ENOPH1: variants seen among roughly 807,000 people sequenced by gnomAD.
ENOPH1 encodes the protein enolase-phosphatase 1.
A neutral mutation model predicts 31.1 loss-of-function variants in ENOPH1; 14 were observed. The observed-to-expected ratio is 0.45, with a 90% CI of 0.30 to 0.70. ENOPH1 has a LOEUF of 0.70. Among genes scored for constraint, ENOPH1 ranks in the 30% least tolerant of loss-of-function variants. The pLI is 0.09. For missense variants in ENOPH1, 243 were observed against 321.5 expected, an observed-to-expected ratio of 0.76 and a Z score of 1.87; for synonymous variants, 127 against 123.2, an observed-to-expected ratio of 1.03 and a Z score of -0.21.
At chr4:82,455,624 C>CA (rs5859823) in intron 4 of ENOPH1, among the ~76,000 whole-genome samples, 39 of 148,414 alleles carry the variant, frequency 2.6e-4, no homozygotes, top group East Asian at 1.2e-3. Flanking sequence ...ACTAAAAATA[C>CA]AAAAAAAAAA....
At chr4:82,446,905 A>C (rs1722206199) in intron 1 of ENOPH1, among the ~76,000 whole-genome samples, 1 of 148,168 alleles carries the variant, frequency 6.7e-6, no homozygotes, top group Non-Finnish European at 1.5e-5. Flanking sequence ...ACGGGGTTTC[A>C]CCTTGTTAGC....
At position 82,457,033 on chromosome 4, in the gene ENOPH1, C is replaced by A; in HGVS notation, c.641C>A (p.Thr214Asn). The A allele has an allele frequency of 6.2e-7, 1 of 1,613,834 alleles. No homozygotes were observed. The highest frequency in any genetic ancestry group is 8.5e-7 in the Non-Finnish European group (1 of 1,179,884). The change falls in exon 5 of 6, where the codon ACT (threonine) becomes AAT (asparagine). Residue 214 changes from threonine (T) to asparagine (N), a missense_variant. By Grantham distance (65) the Thr-to-Asn change is moderately conservative. Transcript: ENST00000273920. ...AACATTTTGTTTCTGACAGATGTTA[C>A]TCGAGGTGAGTAATAGACTTCTTAT... Reference protein sequence around the residue: ...TNNILFLTDVTREASAAEEAD... With the variant: ...TNNILFLTDVNREASAAEEAD...
At chr4:82,441,449 C>T (rs1200007279) in intron 1 of ENOPH1, among the ~76,000 whole-genome samples, 15 of 151,932 alleles carry the variant, frequency 9.9e-5, no homozygotes, top group Non-Finnish European at 1.5e-5. Flanking sequence ...GGTGAAACCC[C>T]GTTTCTGCTA....
intron 4 of ENOPH1, among the ~76,000 whole-genome samples, chr4:82,455,865 T>C (rs951251411): frequency 4.6e-5 from 7 of 152,150 alleles, no homozygotes; most frequent in Admixed American, 4.6e-4. Flanking sequence ...TTACTTACAA[T>C]AGGTAACTTG....
At chr4:82,455,948 T>C (rs989441173) in intron 4 of ENOPH1, among the ~76,000 whole-genome samples, 3 of 152,154 alleles carry the variant, frequency 2.0e-5, no homozygotes, top group African/African-American at 7.2e-5. Flanking sequence ...CTTTGGAGGT[T>C]GTAATATTCT....
Position 82,460,296 on chromosome 4 carries a change from C to A in ENOPH1, c.*176C>A. ...ATAGGTACATAAGTGAAAGAAGTCT[C>A]AGTTCAGTGAACACAAAACTTATTT... On this transcript the variant is annotated 3_prime_UTR_variant, in exon 6 of 6. Transcript: ENST00000273920. The A allele has an allele frequency of 1.8e-6, 1 of 549,608 alleles. No homozygotes were observed. The allele number at this position is 549,608 out of a possible 1,614,324, so 34.0% of individuals were successfully genotyped here.
chr4:82,432,520 T>C (rs1721798472), intron 1 of ENOPH1, among the ~76,000 whole-genome samples: 1 of 152,144 alleles, frequency 6.6e-6, no homozygotes, highest in African/African-American at 2.4e-5. Flanking sequence ...AATTTTTATA[T>C]TTTTAGTAGA....
chr4:82,449,596 TAAAC>T (rs1722293625), intron 2 of ENOPH1, among the ~76,000 whole-genome samples: 1 of 152,128 alleles, frequency 6.6e-6, no homozygotes, highest in Non-Finnish European at 1.5e-5. Context: ...AGGATGGTGC[TAAAC>T]AAACCATTCA....
At chr4:82,442,613 T>A (rs904761388) in intron 1 of ENOPH1, among the ~76,000 whole-genome samples, 9 of 152,214 alleles carry the variant, frequency 5.9e-5, no homozygotes, top group Non-Finnish European at 1.3e-4. Flanking sequence ...GGTTATACAT[T>A]TTTATTGCAG....
intron 4 of ENOPH1, among the ~76,000 whole-genome samples, chr4:82,455,218 G>A (rs1722453868): frequency 6.6e-6 from 1 of 152,138 alleles, no homozygotes; most frequent in South Asian, 2.1e-4. Flanking sequence ...TATTATAGGA[G>A]AACCAGGCAC....
chr4:82,454,945 CTT>C (rs201969443), intron 4 of ENOPH1, 91 bp downstream of exon 4: 2,252 of 970,214 alleles, frequency 2.3e-3, no homozygotes, highest in East Asian at 5.0e-3. Flanking sequence ...TAATAGAATG[CTT>C]TTTTTTTTTT....
rs746952610 is a variant in ENOPH1 at position 82,448,032 on chromosome 4, T to G, written c.186+11T>G. ...CTTTTGAGGAAACAGGTTGGGACAT[T>G]TCTGTCTTAAATTCCCAAGTGTCTT... On this transcript the variant is annotated intron_variant, in intron 2 of 5. Coordinates refer to ENST00000273920, the MANE Select transcript of ENOPH1 (RefSeq NM_021204.5). The G allele has an allele frequency of 1.1e-5, 18 of 1,582,496 alleles. No homozygotes were observed. The highest frequency in any genetic ancestry group is 1.5e-5 in the Non-Finnish European group (17 of 1,154,084).
chr4:82,444,833 A>G lies in ENOPH1; in HGVS notation c.85-3087A>G, dbSNP rs12503371. ...CCTGGTGGACTGAAAATATTCGCACATTTATTTGTAGAATCCTGAGTTTAT... is the reference window on the plus strand; with the variant it reads ...CCTGGTGGACTGAAAATATTCGCACGTTTATTTGTAGAATCCTGAGTTTAT... On this transcript the variant is annotated intron_variant, in intron 1 of 5. Transcript: ENST00000273920. Among the ~76,000 whole-genome samples, 1,202 of 152,302 alleles carry G rather than the reference A, an allele frequency of 7.9e-3. 61 individuals are homozygous for G. The highest frequency in any genetic ancestry group is 0.073 in the Admixed American group (1,116 of 15,304).
chr4:82,435,123 G>T (rs1055565567), intron 1 of ENOPH1, among the ~76,000 whole-genome samples: 1 of 152,054 alleles, frequency 6.6e-6, no homozygotes. Flanking sequence ...TTTTTCTGAA[G>T]CAGGGTCAGG....
chr4:82,452,950 G>A (rs1035310941), intron 3 of ENOPH1, among the ~76,000 whole-genome samples: 2 of 142,490 alleles, frequency 1.4e-5, no homozygotes, highest in Non-Finnish European at 3.0e-5. Flanking sequence ...CACCCAGGCT[G>A]GAGTGCAGTG....
At chr4:82,451,281 C>G in intron 3 of ENOPH1, 36 bp downstream of exon 3, 1 of 1,594,656 alleles carries the variant, frequency 6.3e-7, no homozygotes, top group Non-Finnish European at 8.6e-7. Flanking sequence ...TTTCACCAGT[C>G]CCAAATCCAA....
At chr4:82,452,651 A>G (rs765390295) in intron 3 of ENOPH1, among the ~76,000 whole-genome samples, 15 of 151,960 alleles carry the variant, frequency 9.9e-5, no homozygotes, top group Non-Finnish European at 2.1e-4. Flanking sequence ...CATTCACACA[A>G]TCTTAGCTCA....
chr4:82,431,757 A>G (rs922426014), intron 1 of ENOPH1, among the ~76,000 whole-genome samples: 4 of 152,220 alleles, frequency 2.6e-5, no homozygotes, highest in Non-Finnish European at 4.4e-5. Flanking sequence ...CATTGCAGAT[A>G]CAAGTACTTC....
At chr4:82,433,833 T>G (rs556594492) in intron 1 of ENOPH1, among the ~76,000 whole-genome samples, 4 of 152,340 alleles carry the variant, frequency 2.6e-5, no homozygotes, top group Non-Finnish European at 2.9e-5. Flanking sequence ...GACTAATCTT[T>G]TAAACACCTT....
Sources: gnomAD v4.1 joint callset for allele counts (sites outside exome capture counted in the v4.1 genomes callset) on GRCh38, gnomAD v4.1.1 for gene constraint, MANE v1.5 for transcripts, NCBI Gene and HGNC (gene_info 2026-07-23, HGNC 2026-07-21) for gene names.